The following EXOC3L4 variants were observed in gnomAD, a reference collection of about 807,000 sequenced individuals.
EXOC3L4 encodes the protein exocyst complex component 3 like 4, also known as exocyst complex component 3-like protein 4.
Under a neutral mutation model 69.7 loss-of-function variants are expected in EXOC3L4, and 62 were observed. That is an observed-to-expected ratio of 0.89 (90% CI 0.72 to 1.10). EXOC3L4 has a LOEUF of 1.10. Ranked by LOEUF, EXOC3L4 falls within the 50% of genes least tolerant of loss-of-function variation. EXOC3L4 has a pLI of 0.00. For missense variants in EXOC3L4, 1,087 were observed against 1,034.8 expected (o/e 1.05, Z -0.69); for synonymous variants, 502 against 464.2 (o/e 1.08, Z -1.05).
Position 103,102,411 on chromosome 14 carries a change from G to T in EXOC3L4, c.688G>T (p.Asp230Tyr). The T allele has an allele frequency of 6.5e-7, 1 of 1,533,020 alleles. No individual in the cohort carries two copies. The highest frequency in any genetic ancestry group is 1.4e-5 in the African/African-American group (1 of 70,664). 95.0% of individuals were successfully genotyped at this position (1,533,020 alleles called of 1,614,324 possible). A position where few individuals can be genotyped will look rare whatever the true frequency, so the allele number is the denominator to read the frequency against. ...AEEEAHPSPP[D>Y]DGDFLRTPRR... ...GGAGGAAGCCCACCCTTCTCCCCCC[G>T]ACGACGGCGACTTCCTGCGCACGCC... The change falls in exon 3 of 12, where the codon GAC becomes TAC. Residue 230 changes from aspartate (D) to tyrosine (Y), a missense_variant. Asp to Tyr is a radical substitution (Grantham distance 160). Transcript: ENST00000688303.
At chr14:103,096,991 A>G (rs1889920665) in intron 1 of EXOC3L4, among the ~76,000 whole-genome samples, 1 of 152,194 alleles carries the variant, frequency 6.6e-6, no homozygotes, top group Non-Finnish European at 1.5e-5. Flanking sequence ...TGGAGCGTTG[A>G]GGAGTGGAGC....
chr14:103,102,693 C>T lies in EXOC3L4; in HGVS notation c.970C>T (p.Leu324Phe). ...RAFHSAVAQRLQELARDARGC... is the reference protein window; with the variant it reads ...RAFHSAVAQRFQELARDARGC... ...CTTCCACAGCGCCGTGGCCCAGCGCCTCCAGGAGCTCGCGCGCGACGCCCG... is the reference window on the plus strand; with the variant it reads ...CTTCCACAGCGCCGTGGCCCAGCGCTTCCAGGAGCTCGCGCGCGACGCCCG... Residue 324 changes from leucine (L) to phenylalanine (F), a missense_variant, in exon 3 of 12, where the codon CTC becomes TTC. By Grantham distance (22) the Leu-to-Phe change is conservative (BLOSUM62 0). Transcript: ENST00000688303. 23 of 1,472,188 alleles carry T rather than the reference C, an allele frequency of 1.6e-5. No individual in the cohort carries two copies. Among genetic ancestry groups the T allele is most frequent in the Non-Finnish European group, 2.1e-5 (23 of 1,116,712 alleles). The allele number at this position is 1,472,188 out of a possible 1,614,324, so 91.2% of individuals were successfully genotyped here.
At position 103,110,466 on chromosome 14, in the gene EXOC3L4, CGG is replaced by C. The variant is rs11355422; in HGVS notation, c.*251_*252del. ...AGAGCTCTCAATGCTGCCTATCGGGCGGGGGGGGGCCTCCCGCCCGACTGTCC... is the reference window on the plus strand; with the variant it reads ...AGAGCTCTCAATGCTGCCTATCGGGCGGGGGGGCCTCCCGCCCGACTGTCC... On this transcript the variant is annotated 3_prime_UTR_variant, in exon 12 of 12. Transcript: ENST00000688303. 7,523 of 573,914 alleles carry C rather than the reference CGG, an allele frequency of 0.013. 72 individuals are homozygous for C. The highest frequency in any genetic ancestry group is 0.021 in the Middle Eastern group (77 of 3,596). 35.6% of individuals were successfully genotyped at this position (573,914 alleles called of 1,614,324 possible). A position where few individuals can be genotyped will look rare whatever the true frequency, so the allele number is the denominator to read the frequency against.
In EXOC3L4 at chr14:103,102,636, G is replaced by A. The variant is rs1004470558; in HGVS notation, c.913G>A (p.Gly305Ser). The change falls in exon 3 of 12, where the codon GGC becomes AGC. Residue 305 changes from glycine (G) to serine (S), a missense_variant. By Grantham distance (56) the Gly-to-Ser change is moderately conservative. Coordinates refer to ENST00000688303, the MANE Select transcript of EXOC3L4 (RefSeq NM_001077594.2). ...QEVQPAYAAA[G>S]FPAWEVYLRA... ...GGTGCAGCCCGCGTATGCGGCGGCC[G>A]GCTTCCCAGCGTGGGAGGTCTATCT... 7 of 1,499,102 alleles carry A rather than the reference G, an allele frequency of 4.7e-6. No individual in the cohort carries two copies. Among genetic ancestry groups the A allele is most frequent in the Non-Finnish European group, 6.2e-6 (7 of 1,129,646 alleles). The allele number at this position is 1,499,102 out of a possible 1,614,324, so 92.9% of individuals were successfully genotyped here.
In EXOC3L4 at chr14:103,102,515, G is replaced by A; in HGVS notation, c.792G>A (p.Trp264Ter). ...GCGTGCGGCGGCCGGGCGCGGGGTG[G>A]GCCTTCGGGGAGGCGGAGGGCGCGT... ...QERVRRPGAG[W>*]AFGEAEGASG... Residue 264 changes from tryptophan to a stop codon, truncating the protein, a stop_gained, in exon 3 of 12, where the codon TGG becomes TGA. Coordinates refer to ENST00000688303, the MANE Select transcript of EXOC3L4 (RefSeq NM_001077594.2). LOFTEE classifies it high-confidence loss of function. 7.2e-7 allele frequency: 1 copy of A among 1,389,222 alleles called. No homozygotes were observed. Among genetic ancestry groups the A allele is most frequent in the Non-Finnish European group, 9.3e-7 (1 of 1,077,176 alleles). The allele number at this position is 1,389,222 out of a possible 1,614,324, so 86.1% of individuals were successfully genotyped here. A position where few individuals can be genotyped will look rare whatever the true frequency, so the allele number is the denominator to read the frequency against.
chr14:103,099,564 T>G (rs1890060310), intron 1 of EXOC3L4, among the ~76,000 whole-genome samples: 1 of 152,228 alleles, frequency 6.6e-6, no homozygotes, highest in Admixed American at 6.5e-5. Context: ...TGTGGCTGCA[T>G]GGCCATGATA....
intron 1 of EXOC3L4, among the ~76,000 whole-genome samples, chr14:103,099,760 G>A (rs1182679014): frequency 6.6e-6 from 1 of 152,164 alleles, no homozygotes; most frequent in Non-Finnish European, 1.5e-5. Context: ...GGAGCTGGTG[G>A]GGGCTGGGGG....
chr14:103,107,712 A>C lies in EXOC3L4; in HGVS notation c.1783A>C (p.Met595Leu), dbSNP rs769904007. ...ALRPRERFRG[M>L]ERMHGSQKMS... Reference sequence around the variant, plus strand: ...GAGGCCACGGGAGCGGTTCCGGGGCATGGAGCGCATGCATGGCTCCCAGAA... The same window carrying C: ...GAGGCCACGGGAGCGGTTCCGGGGCCTGGAGCGCATGCATGGCTCCCAGAA... Residue 595 changes from methionine (M) to leucine (L), a missense_variant, in exon 10 of 12, where the codon ATG (methionine) becomes CTG (leucine). Transcript: ENST00000688303. The C allele has an allele frequency of 6.4e-7, 1 of 1,552,310 alleles. No homozygotes were observed. Among genetic ancestry groups the C allele is most frequent in the East Asian group, 2.4e-5 (1 of 41,360 alleles).
At chr14:103,100,682 G>A (rs1254354766) in intron 2 of EXOC3L4, 69 bp downstream of exon 2, 5 of 1,495,726 alleles carry the variant, frequency 3.3e-6, no homozygotes, top group Non-Finnish European at 3.6e-6. Flanking sequence ...CTCAGCTGAG[G>A]TTTCCGGAAA....
At position 103,096,503 on chromosome 14, in the gene EXOC3L4, G is replaced by A. The variant is rs1889894051; in HGVS notation, c.-17+1663G>A. Reference sequence around the variant, plus strand: ...TAGCTGTTGCCAGCTCAAATGCCTGGGTTTATATCCCGATCATTGTCCCTC... The same window carrying A: ...TAGCTGTTGCCAGCTCAAATGCCTGAGTTTATATCCCGATCATTGTCCCTC... On this transcript the variant is annotated intron_variant, in intron 1 of 11. Coordinates refer to ENST00000688303, the MANE Select transcript of EXOC3L4 (RefSeq NM_001077594.2). Among the ~76,000 whole-genome samples, 4 of 151,134 alleles carry A rather than the reference G, an allele frequency of 2.6e-5. No homozygotes were observed. In the South Asian group the frequency reaches 8.4e-4, roughly 32 times the overall value.
intron 11 of EXOC3L4, 107 bp from the exon 12 acceptor site, chr14:103,109,924 T>C: frequency 1.7e-6 from 2 of 1,203,134 alleles, no homozygotes; most frequent in Non-Finnish European, 1.1e-6. Context: ...CATCCTGGAA[T>C]GCAGAGTGAC....
Position 103,100,480 on chromosome 14 carries a change from C to T in EXOC3L4, c.261C>T (p.Phe87=). 4 of 1,613,384 alleles carry T rather than the reference C, an allele frequency of 2.5e-6. No individual in the cohort carries two copies. The highest frequency in any genetic ancestry group is 3.4e-6 in the Non-Finnish European group (4 of 1,179,948). Residue 87 remains phenylalanine (F), a synonymous_variant, in exon 2 of 12, where the codon TTC becomes TTT. Transcript: ENST00000688303. ...RRSSCSLFRS[F]RQALNDGPAT... The stretch of plus-strand genomic sequence containing the variant: ...GCTCCTGCTCCCTGTTCCGGTCCTT[C>T]CGGCAAGCCCTGAATGACGGCCCAG...
At chr14:103,103,663 C>T (rs1566949389) in intron 3 of EXOC3L4, 1 of 427,546 alleles carries the variant, frequency 2.3e-6, no homozygotes, top group Non-Finnish European at 4.2e-6. Context: ...GTGGCCGATT[C>T]CTGAGCTGTG....
chr14:103,102,900 G>T (rs1351954656), intron 3 of EXOC3L4, 128 bp downstream of exon 3: 2 of 993,966 alleles, frequency 2.0e-6, no homozygotes, highest in Non-Finnish European at 2.6e-6. Context: ...GCTGAGAGCC[G>T]AGGGCTTCGA....
At chr14:103,099,316 G>A (rs1890044230) in intron 1 of EXOC3L4, among the ~76,000 whole-genome samples, 1 of 152,100 alleles carries the variant, frequency 6.6e-6, no homozygotes, top group African/African-American at 2.4e-5. Context: ...GGTGTGGGTG[G>A]AGCCTGGCAG....
intron 1 of EXOC3L4, among the ~76,000 whole-genome samples, chr14:103,096,295 G>A (rs1595229355): frequency 6.6e-6 from 1 of 152,114 alleles, no homozygotes; most frequent in East Asian, 1.9e-4. Flanking sequence ...TTGAGGCTGT[G>A]GTGAGCTATG....
At chr14:103,108,657 A>G in intron 11 of EXOC3L4, 140 bp downstream of exon 11, 1 of 1,177,466 alleles carries the variant, frequency 8.5e-7, no homozygotes, top group Admixed American at 2.4e-5. Flanking sequence ...GGACCCTCAG[A>G]CCCTCAAGGC....
At chr14:103,108,328 G>C in intron 10 of EXOC3L4, 68 bp from the exon 11 acceptor site, 1 of 1,585,464 alleles carries the variant, frequency 6.3e-7, no homozygotes, top group Non-Finnish European at 8.6e-7. Context: ...CTGACCTCGC[G>C]CTCTTGCAGG....
Position 103,104,853 on chromosome 14 carries a change from T to C in EXOC3L4, c.1385+15T>C. On this transcript the variant is annotated intron_variant, in intron 6 of 11. Coordinates refer to ENST00000688303, the MANE Select transcript of EXOC3L4 (RefSeq NM_001077594.2). ...TTCGTGCCCAGGTGCGGACGCATCC[T>C]CAGTAGGGGAGCGACCTGGCCGGGT... 1.3e-6 allele frequency: 2 copies of C among 1,511,462 alleles called. No homozygotes were observed. Among genetic ancestry groups the C allele is most frequent in the Non-Finnish European group, 1.8e-6 (2 of 1,122,628 alleles). 93.6% of individuals were successfully genotyped at this position (1,511,462 alleles called of 1,614,324 possible). A position where few individuals can be genotyped will look rare whatever the true frequency, so the allele number is the denominator to read the frequency against.
Sources: allele counts gnomAD v4.1 joint callset (sites outside exome capture counted in the v4.1 genomes callset), GRCh38; gene constraint gnomAD v4.1.1; transcripts MANE v1.5; gene names NCBI Gene and HGNC (gene_info 2026-07-23, HGNC 2026-07-21).